The following BTK variants were observed in gnomAD, a reference collection of about 807,000 sequenced individuals.
BTK encodes tyrosine-protein kinase BTK.
BTK carries 5 observed loss-of-function variants against 57.4 expected under a neutral mutation model. The observed-to-expected ratio is 0.09, with a 90% CI of 0.05 to 0.18. The LOEUF is 0.18. Ranked by LOEUF, BTK falls within the 10% of genes least tolerant of loss-of-function variation. The pLI is 1.00. For synonymous variants in BTK, 154 were observed against 174.3 expected (o/e 0.88, Z 0.92); for missense variants, 194 against 501.2 (o/e 0.39, Z 5.85).
At chrX:101,386,935 C>T (rs781894494), upstream of BTK, among the ~76,000 whole-genome samples, 2 of 111,081 alleles carry the variant, frequency 1.8e-5, no homozygotes, top group Non-Finnish European at 3.8e-5. Flanking sequence ...CTCAGGGGCC[C>T]CCTACATTAT....
In BTK at chrX:101,374,051, GA is replaced by G. The variant is rs1178502353; in HGVS notation, c.240+484del. Among the ~76,000 whole-genome samples, 929 of 97,606 alleles carry G rather than the reference GA, an allele frequency of 9.5e-3. 5 individuals are homozygous for G. Among genetic ancestry groups the G allele is most frequent in the Middle Eastern group, 0.031 (6 of 192 alleles). 84.8% of individuals were successfully genotyped at this position (97,606 alleles called of 115,157 possible). A position where few individuals can be genotyped will look rare whatever the true frequency, so the allele number is the denominator to read the frequency against. Reference sequence around the variant, plus strand: ...CAGAGCGAGACTCTGTCTAAAAAAAGAAAAAAAAAAGAAAAAAAGAAAATAC... The same window carrying G: ...CAGAGCGAGACTCTGTCTAAAAAAAGAAAAAAAAAGAAAAAAAGAAAATAC... On this transcript the variant is annotated intron_variant, in intron 3 of 18. Coordinates refer to ENST00000308731, the MANE Select transcript of BTK (RefSeq NM_000061.3).
chrX:101,370,200 A>G (rs1364596489), intron 4 of BTK, 121 bp from the exon 5 acceptor site: 3 of 598,422 alleles, frequency 5.0e-6, no homozygotes, highest in Non-Finnish European at 8.5e-6. Flanking sequence ...GAAAGGCAGA[A>G]TCTTCAGTCA....
intron 5 of BTK, among the ~76,000 whole-genome samples, chrX:101,369,246 T>C (rs1926950519): frequency 8.9e-6 from 1 of 112,447 alleles, no homozygotes; most frequent in South Asian, 3.6e-4. Context: ...TGATTTACAG[T>C]TTTCCATGTG....
At position 101,357,501 on chromosome X, in the gene BTK, G is replaced by A; in HGVS notation, c.1177+8C>T. On this transcript the variant is annotated splice_region_variant and intron_variant, in intron 13 of 18. Transcript: ENST00000308731. ...AGTCCACCCTACCCCAGAGAAATAA[G>A]GAGTTACCGTATCCCAGGCCTGCAG... The A allele has an allele frequency of 8.3e-7, 1 of 1,207,905 alleles. No individual in the cohort carries two copies. The highest frequency in any genetic ancestry group is 1.1e-6 in the Non-Finnish European group (1 of 892,216).
intron 18 of BTK, among the ~76,000 whole-genome samples, chrX:101,351,771 C>T (rs1160535493): frequency 9.0e-6 from 1 of 111,622 alleles, no homozygotes; most frequent in Non-Finnish European, 1.9e-5. Context: ...CACCTACCCA[C>T]ATACCCCACG....
intron 3 of BTK, among the ~76,000 whole-genome samples, chrX:101,372,344 T>C: frequency 8.9e-6 from 1 of 112,325 alleles, no homozygotes; most frequent in Middle Eastern, 4.6e-3. Context: ...CATCTCAATG[T>C]AAAAAATGGA....
At chrX:101,370,447 A>G (rs1481067348) in intron 4 of BTK, among the ~76,000 whole-genome samples, 2 of 111,980 alleles carry the variant, frequency 1.8e-5, no homozygotes, top group Non-Finnish European at 3.8e-5. Context: ...TTTGTATAGA[A>G]GAGAAATGAA....
intron 3 of BTK, among the ~76,000 whole-genome samples, chrX:101,372,050 T>C (rs1353359812): frequency 8.9e-6 from 1 of 112,078 alleles, no homozygotes; most frequent in Admixed American, 9.5e-5. Flanking sequence ...AAGAGCTTAA[T>C]ATAAAAAATA....
At chrX:101,356,538 T>A (rs1555977888) in intron 14 of BTK, 1 of 449,958 alleles carries the variant, frequency 2.2e-6, no homozygotes, top group Non-Finnish European at 3.8e-6. Flanking sequence ...AAAGTTTAAT[T>A]TTCTACATCT....
intron 14 of BTK, 109 bp downstream of exon 14, chrX:101,356,675 C>T (rs1926494934): frequency 3.2e-6 from 3 of 951,551 alleles, no homozygotes; most frequent in East Asian, 6.2e-5. Flanking sequence ...TTCAGTCCCT[C>T]GTCCCAAACC....
chrX:101,355,579 C>A, intron 15 of BTK: 1 of 118,123 alleles, frequency 8.5e-6, no homozygotes, highest in Non-Finnish European at 1.8e-5. Context: ...GCTGGAAATT[C>A]CAGGGTTTTT....
chrX:101,360,509 C>T, intron 8 of BTK, 59 bp downstream of exon 8: 2 of 1,153,247 alleles, frequency 1.7e-6, no homozygotes, highest in East Asian at 3.0e-5. Flanking sequence ...TGCCGCAGCA[C>T]TTTTTGCGTG....
chrX:101,370,879 T>C (rs1043830720), intron 4 of BTK, among the ~76,000 whole-genome samples: 1 of 112,758 alleles, frequency 8.9e-6, no homozygotes, highest in African/African-American at 3.2e-5. Flanking sequence ...GCATTGGTAG[T>C]AAAAACTGTG....
Position 101,349,659 on chromosome X carries a change from T to G in BTK, c.*226A>C. 1 of 420,542 alleles carries G rather than the reference T, an allele frequency of 2.4e-6. No individual in the cohort carries two copies. Among genetic ancestry groups the G allele is most frequent in the Non-Finnish European group, 4.2e-6 (1 of 240,280 alleles). The allele number at this position is 420,542 out of a possible 1,213,427, so 34.7% of individuals were successfully genotyped here. On this transcript the variant is annotated 3_prime_UTR_variant, in exon 19 of 19. Transcript: ENST00000308731. ...TTTTCATCGCAAATTCAGTCTGTCT[T>G]AATTCTCTCGGGAAATTTCAGGCAC...
At chrX:101,357,183 C>G (rs1473014870) in intron 13 of BTK, among the ~76,000 whole-genome samples, 2 of 111,793 alleles carry the variant, frequency 1.8e-5, no homozygotes, top group African/African-American at 6.5e-5. Flanking sequence ...GACTAAGCAA[C>G]CTCCCCAAAT....
At chrX:101,353,394 T>C in intron 17 of BTK, 43 bp from the exon 18 acceptor site, 1 of 1,142,391 alleles carries the variant, frequency 8.8e-7, no homozygotes, top group African/African-American at 1.8e-5. Flanking sequence ...GCAGTCTTTT[T>C]GGATAGCAGG....
chrX:101,363,293 C>G (rs1355518328), intron 5 of BTK, among the ~76,000 whole-genome samples: 2 of 112,056 alleles, frequency 1.8e-5, no homozygotes, highest in Non-Finnish European at 3.8e-5. Flanking sequence ...GCTTCATTCC[C>G]TCATGGAGTT....
At chrX:101,352,119 C>T (rs149877850) in intron 18 of BTK, among the ~76,000 whole-genome samples, 362 of 104,224 alleles carry the variant, frequency 3.5e-3, no homozygotes, top group Admixed American at 6.2e-3. Context: ...GCCGAGATCA[C>T]GCCACTGCAC....
intron 4 of BTK, among the ~76,000 whole-genome samples, chrX:101,370,841 C>T (rs1184267939): frequency 8.9e-6 from 1 of 112,460 alleles, no homozygotes; most frequent in Non-Finnish European, 1.9e-5. Context: ...TTCACTAGTG[C>T]AGCCAAACAA....
Sources: gnomAD v4.1 joint callset for allele counts (sites outside exome capture counted in the v4.1 genomes callset) on GRCh38, gnomAD v4.1.1 for gene constraint, MANE v1.5 for transcripts, NCBI Gene and HGNC (gene_info 2026-07-23, HGNC 2026-07-21) for gene names.